COG4: variants seen among roughly 807,000 people sequenced by gnomAD.
COG4 encodes conserved oligomeric Golgi complex subunit 4.
COG4 carries 65 observed loss-of-function variants against 95.1 expected under a neutral mutation model. The observed-to-expected ratio is 0.68, with a 90% CI of 0.56 to 0.84. The LOEUF is 0.84. Among genes scored for constraint, COG4 ranks in the 40% least tolerant of loss-of-function variants. The pLI is 0.00. For synonymous variants in COG4, 421 were observed against 374.8 expected (o/e 1.12, Z -1.42); for missense variants, 1,045 against 989.1 (o/e 1.06, Z -0.76).
In COG4 at chr16:70,481,102, A is replaced by T. The variant is rs113010015; in HGVS notation, c.2278T>A (p.Leu760Met). 1 of 1,613,390 alleles carries T rather than the reference A, an allele frequency of 6.2e-7. No homozygotes were observed. The highest frequency in any genetic ancestry group is 8.5e-7 in the Non-Finnish European group (1 of 1,180,022). ...TCAGCAGGGGTGAGGCGCCACGTCAATGGGCCGGAATTGGGTCCCCAGTAA... is the reference window on the plus strand; with the variant it reads ...TCAGCAGGGGTGAGGCGCCACGTCATTGGGCCGGAATTGGGTCCCCAGTAA... ...LDYWGPNSGP[L>M]TWRLTPAEVR... The change falls in exon 19 of 19, where the codon TTG becomes ATG. Residue 760 changes from leucine to methionine, a missense_variant. Coordinates refer to ENST00000323786, the MANE Select transcript of COG4 (RefSeq NM_015386.3).
chr16:70,516,427 G>A (rs1004349955), intron 3 of COG4, among the ~76,000 whole-genome samples: 4 of 151,912 alleles, frequency 2.6e-5, no homozygotes, highest in Non-Finnish European at 4.4e-5. Context: ...CTCCTGAGTA[G>A]CTGGGACTAC....
At chr16:70,488,581 CTT>C (rs1385378137) in intron 13 of COG4, among the ~76,000 whole-genome samples, 1 of 150,878 alleles carries the variant, frequency 6.6e-6, no homozygotes, top group Non-Finnish European at 1.5e-5. Context: ...GAGTTTCGCT[CTT>C]GTTGCCCAGG....
At chr16:70,521,204 G>A (rs185221472) in intron 1 of COG4, among the ~76,000 whole-genome samples, 60 of 148,964 alleles carry the variant, frequency 4.0e-4, no homozygotes, top group Non-Finnish European at 3.3e-4. Context: ...TGAGCCACTT[G>A]TGCCCAGGCA....
chr16:70,521,699 ATTTT>A (rs566000095), intron 1 of COG4, among the ~76,000 whole-genome samples: 1 of 133,844 alleles, frequency 7.5e-6, no homozygotes. Flanking sequence ...AAGATACTAA[ATTTT>A]TTTTTTTTTT....
Position 70,509,981 on chromosome 16 carries a change from C to T in COG4, c.779G>A (p.Gly260Glu). 1 of 1,614,020 alleles carries T rather than the reference C, an allele frequency of 6.2e-7. No homozygotes were observed. Residue 260 changes from glycine to glutamate, a missense_variant, in exon 6 of 19, where the codon GGG becomes GAG. Transcript: ENST00000323786. ...AGCTCTCCGATCACTCATGTCTGTC[C>T]CCAGCACCATGAGCAGATTCTCCTC... The part of the protein sequence containing the change: ...KAEENLLMVL[G>E]TDMSDRRAAV...
intron 11 of COG4, among the ~76,000 whole-genome samples, chr16:70,496,987 C>T (rs772262051): frequency 6.6e-6 from 1 of 152,106 alleles, no homozygotes; most frequent in Non-Finnish European, 1.5e-5. Context: ...CTCTTTCCTA[C>T]GTCTAAGGGC....
At position 70,508,360 on chromosome 16, in the gene COG4, AC is replaced by A. The variant is rs762898846; in HGVS notation, c.1061+45del. 1.2e-5 allele frequency: 17 copies of A among 1,453,570 alleles called. No individual in the cohort carries two copies. The South Asian group carries it at 1.3e-4, about 11-fold the overall frequency. 90.0% of individuals were successfully genotyped at this position (1,453,570 alleles called of 1,614,324 possible). On this transcript the variant is annotated intron_variant, in intron 8 of 18. Coordinates refer to ENST00000323786, the MANE Select transcript of COG4 (RefSeq NM_015386.3). ...GTAGTCTGAATTATATTACATGATT[AC>A]CAATTCAAACTCCTGTGGGCTGAAG... is the stretch of plus-strand genomic sequence containing the variant.
At chr16:70,517,775 T>C (rs1203540585) in intron 2 of COG4, 35 bp from the exon 3 acceptor site, 7 of 1,435,378 alleles carry the variant, frequency 4.9e-6, no homozygotes, top group South Asian at 2.3e-5. Context: ...CACATAACGA[T>C]AGGGCAGAGA....
intron 13 of COG4, among the ~76,000 whole-genome samples, chr16:70,487,050 G>A (rs1422334911): frequency 7.9e-5 from 12 of 151,616 alleles, no homozygotes; most frequent in African/African-American, 2.7e-4. Flanking sequence ...CAGCACTATG[G>A]GAGGCTGAGG....
intron 1 of COG4, 88 bp downstream of exon 1, chr16:70,523,285 G>A (rs2049992932): frequency 2.0e-6 from 3 of 1,506,738 alleles, no homozygotes; most frequent in Admixed American, 1.7e-5. Flanking sequence ...CCCCCAGCAA[G>A]GAGAGTTTCC....
intron 4 of COG4, among the ~76,000 whole-genome samples, chr16:70,514,094 C>T (rs929309718): frequency 6.6e-6 from 1 of 152,030 alleles, no homozygotes; most frequent in Admixed American, 6.6e-5. Flanking sequence ...CCTGTAGTCC[C>T]AGCTACTCAG....
chr16:70,483,811 C>T (rs375896199), intron 14 of COG4, 42 bp downstream of exon 14: 6 of 1,434,070 alleles, frequency 4.2e-6, no homozygotes, highest in Non-Finnish European at 5.9e-6. Flanking sequence ...CAGAGCAACA[C>T]ACAGGCACAG....
chr16:70,521,060 T>A (rs2049931961), intron 1 of COG4, among the ~76,000 whole-genome samples: 1 of 152,146 alleles, frequency 6.6e-6, no homozygotes, highest in Non-Finnish European at 1.5e-5. Context: ...ACTGTTTAAT[T>A]TTTTTGTAGC....
At position 70,481,080 on chromosome 16, in the gene COG4, GCAGGGGTGAGGCGC is replaced by G. The variant is rs1555572987; in HGVS notation, c.2286_2299del (p.Trp762CysfsTer2). ...CAGGGCCAGCACCTGGCGCACTTCA[GCAGGGGTGAGGCGC>G]CACGTCAATGGGCCGGAATTGGGTC... On this transcript the variant is annotated frameshift_variant, in exon 19 of 19. Coordinates refer to ENST00000323786, the MANE Select transcript of COG4 (RefSeq NM_015386.3). LOFTEE classifies it high-confidence loss of function. 1 of 1,613,438 alleles carries G rather than the reference GCAGGGGTGAGGCGC, an allele frequency of 6.2e-7. No homozygotes were observed. Among genetic ancestry groups the G allele is most frequent in the Non-Finnish European group, 8.5e-7 (1 of 1,180,008 alleles).
At chr16:70,515,875 C>A in intron 3 of COG4, 1 of 391,034 alleles carries the variant, frequency 2.6e-6, no homozygotes, top group Non-Finnish European at 5.0e-6. Flanking sequence ...TACTGTGTTC[C>A]AAGGTTTGGT....
chr16:70,508,915 G>A, intron 7 of COG4: 1 of 537,304 alleles, frequency 1.9e-6, no homozygotes, highest in Non-Finnish European at 3.5e-6. Flanking sequence ...TCAAGAAATA[G>A]AATTGTCATT....
At chr16:70,512,197 G>A in intron 5 of COG4, 42 bp downstream of exon 5, 1 of 1,588,808 alleles carries the variant, frequency 6.3e-7, no homozygotes, top group East Asian at 2.2e-5. Context: ...TCTGCAGGCA[G>A]ACAGCCACAC....
intron 13 of COG4, among the ~76,000 whole-genome samples, chr16:70,485,710 G>A (rs556638546): frequency 2.7e-5 from 4 of 148,188 alleles, no homozygotes; most frequent in South Asian, 2.2e-4. Flanking sequence ...CTCAGCCTCC[G>A]GAGTAGCTGG....
Position 70,514,618 on chromosome 16 carries a change from A to G in COG4, c.370-109T>C. The G allele has an allele frequency of 4.6e-6, 4 of 876,078 alleles. No homozygotes were observed. In the Admixed American group the frequency reaches 7.8e-5, roughly 17 times the overall value. 54.3% of individuals were successfully genotyped at this position (876,078 alleles called of 1,614,324 possible). A position where few individuals can be genotyped will look rare whatever the true frequency, so the allele number is the denominator to read the frequency against. On this transcript the variant is annotated intron_variant, in intron 3 of 18. Coordinates refer to ENST00000323786, the MANE Select transcript of COG4 (RefSeq NM_015386.3). ...ATCTGATCAACCATATGTCAATAGC[A>G]ATCTCACAAACACCACCACTACTGT...
Sources: allele counts gnomAD v4.1 joint callset (sites outside exome capture counted in the v4.1 genomes callset), GRCh38; gene constraint gnomAD v4.1.1; transcripts MANE v1.5; gene names NCBI Gene and HGNC (gene_info 2026-07-23, HGNC 2026-07-21).